PROS1: variants seen among roughly 807,000 people sequenced by gnomAD.
PROS1 encodes the protein vitamin K-dependent protein S.
PROS1 carries 29 observed loss-of-function variants against 75.9 expected under a neutral mutation model. The ratio of observed to expected loss-of-function variants is 0.38; its 90% CI spans 0.28 to 0.52. The LOEUF (loss-of-function observed/expected upper bound fraction) is 0.52, where lower values mean the gene tolerates loss of function less well. Ranked by LOEUF, PROS1 falls within the 20% of genes least tolerant of loss-of-function variation. The pLI, the probability that PROS1 is intolerant of heterozygous loss-of-function variation, is 0.83. For synonymous variants in PROS1, 245 were observed against 280.6 expected (o/e 0.87, Z 1.27); for missense variants, 680 against 810.3 (o/e 0.84, Z 1.95).
chr3:93,893,875 G>A lies in PROS1; in HGVS notation c.966-753C>T, dbSNP rs187873894. Among the ~76,000 whole-genome samples, 188 of 152,286 alleles carry A rather than the reference G, an allele frequency of 1.2e-3. 3 individuals carry two copies. The highest frequency in any genetic ancestry group is 6.2e-4 in the South Asian group (3 of 4,826). ...GGGTATCTGAGTGCTGGCAACATCT[G>A]TTGCTATTAAGACTCTAGACATATA... On this transcript the variant is annotated intron_variant, in intron 9 of 14. Transcript: ENST00000394236.
rs191205883 is a variant in PROS1, at chr3:93,930,848, C to T, written c.77-3441G>A. Among the ~76,000 whole-genome samples the T allele has an allele frequency of 4.4e-3, 663 of 152,264 alleles. 2 individuals carry two copies. Among genetic ancestry groups the T allele is most frequent in the Middle Eastern group, 0.02 (6 of 294 alleles). ...AAAACTACAGCTAGATCATAGGCAT[C>T]CCAACTCTCAGACCTGCAATCCATT... On this transcript the variant is annotated intron_variant, in intron 1 of 14. Transcript: ENST00000394236.
chr3:93,932,526 A>G (rs1216099050), intron 1 of PROS1, among the ~76,000 whole-genome samples: 1 of 152,226 alleles, frequency 6.6e-6, no homozygotes, highest in Non-Finnish European at 1.5e-5. Flanking sequence ...GATAAGAAGT[A>G]CAACTGAGTC....
chr3:93,890,940 A>G (rs1321592227), intron 10 of PROS1, among the ~76,000 whole-genome samples: 1 of 151,988 alleles, frequency 6.6e-6, no homozygotes, highest in African/African-American at 2.4e-5. Context: ...ACCTGTCTCT[A>G]CTAAAAATAC....
chr3:93,943,644 G>T (rs962307876), intron 1 of PROS1, among the ~76,000 whole-genome samples: 1 of 151,996 alleles, frequency 6.6e-6, no homozygotes, highest in Non-Finnish European at 1.5e-5. Context: ...TTCAACATTA[G>T]TTTATGTTAT....
chr3:93,904,979 T>C (rs972463342), intron 6 of PROS1, among the ~76,000 whole-genome samples: 2 of 152,132 alleles, frequency 1.3e-5, no homozygotes, highest in Non-Finnish European at 2.9e-5. Flanking sequence ...GAAAGAAAAC[T>C]AGATCTTTTA....
intron 3 of PROS1, among the ~76,000 whole-genome samples, chr3:93,913,257 C>A (rs571616377): frequency 1.4e-4 from 22 of 152,276 alleles, no homozygotes; most frequent in Non-Finnish European, 3.1e-4. Flanking sequence ...TGTGTCCCAA[C>A]CCAAATCTCA....
chr3:93,873,990 T>A lies in PROS1; in HGVS notation c.*255A>T. 2.5e-6 allele frequency: 1 copy of A among 405,106 alleles called. No homozygotes were observed. Among genetic ancestry groups the A allele is most frequent in the Non-Finnish European group, 4.4e-6 (1 of 228,192 alleles). 25.1% of individuals were successfully genotyped at this position (405,106 alleles called of 1,614,324 possible). A position where few individuals can be genotyped will look rare whatever the true frequency, so the allele number is the denominator to read the frequency against. ...TTACAAACAAAAATTGAAACTGTCA[T>A]TTGTAGGAAAAAAATTCAAATTTAA... On this transcript the variant is annotated 3_prime_UTR_variant, in exon 15 of 15. Coordinates refer to ENST00000394236, the MANE Select transcript of PROS1 (RefSeq NM_000313.4).
chr3:93,953,549 A>C (rs1416929682), intron 1 of PROS1, among the ~76,000 whole-genome samples: 1 of 152,210 alleles, frequency 6.6e-6, no homozygotes, highest in African/African-American at 2.4e-5. Flanking sequence ...AAAAACTCTC[A>C]ATAAACTAGG....
chr3:93,916,311 T>C (rs1479736902), intron 3 of PROS1, among the ~76,000 whole-genome samples: 2 of 152,190 alleles, frequency 1.3e-5, no homozygotes, highest in African/African-American at 4.8e-5. Context: ...GAAAGCTTCA[T>C]TTCGCATCTC....
chr3:93,944,379 C>T (rs1429641546), intron 1 of PROS1, among the ~76,000 whole-genome samples: 1 of 152,112 alleles, frequency 6.6e-6, no homozygotes, highest in Non-Finnish European at 1.5e-5. Flanking sequence ...CTTCTCAGCA[C>T]CACATCAATG....
rs564312660 is a variant in PROS1 at position 93,891,842 on chromosome 3, T to C, written c.1155+1091A>G. On this transcript the variant is annotated intron_variant, in intron 10 of 14. Coordinates refer to ENST00000394236, the MANE Select transcript of PROS1 (RefSeq NM_000313.4). The stretch of plus-strand genomic sequence containing the variant: ...TGGGAAGCCAAAGTGGGAGGAGGAT[T>C]CCTTGAGTTCAAGACCAGCCTGGGC... Among the ~76,000 whole-genome samples, 3 of 152,200 alleles carry C rather than the reference T, an allele frequency of 2.0e-5. No homozygotes were observed. The East Asian group carries it at 5.8e-4, about 29-fold the overall frequency.
chr3:93,892,353 G>A (rs897416453), intron 10 of PROS1, among the ~76,000 whole-genome samples: 7 of 150,108 alleles, frequency 4.7e-5, no homozygotes, highest in African/African-American at 9.8e-5. Flanking sequence ...TGCTAGCCGC[G>A]GTGGCTCACA....
intron 1 of PROS1, among the ~76,000 whole-genome samples, chr3:93,956,563 A>ACAAACACAC: frequency 7.8e-6 from 1 of 128,380 alleles, no homozygotes; most frequent in East Asian, 2.3e-4. Context: ...CACACACACA[A>ACAAACACAC]ACACACACAC....
intron 1 of PROS1, among the ~76,000 whole-genome samples, chr3:93,957,288 A>T (rs148512344): frequency 7.2e-5 from 11 of 152,356 alleles, no homozygotes; most frequent in Admixed American, 4.6e-4. Context: ...AAGAATATAT[A>T]TGTGTGGACA....
chr3:93,955,813 C>A (rs369804849), intron 1 of PROS1, among the ~76,000 whole-genome samples: 1 of 151,666 alleles, frequency 6.6e-6, no homozygotes, highest in Non-Finnish European at 1.5e-5. Flanking sequence ...AGATGGAGGA[C>A]GAAAGATAAT....
intron 14 of PROS1, among the ~76,000 whole-genome samples, 200 bp from the exon 15 acceptor site, chr3:93,874,605 C>T (rs906153937): frequency 2.0e-5 from 3 of 152,094 alleles, no homozygotes; most frequent in African/African-American, 7.2e-5. Flanking sequence ...TTCAGCATGT[C>T]ATGAGTTCCT....
chr3:93,927,144 G>A (rs1576198228), intron 2 of PROS1, 106 bp downstream of exon 2: 4 of 1,431,232 alleles, frequency 2.8e-6, no homozygotes, highest in South Asian at 2.3e-5. Context: ...GTGATACACA[G>A]AATTATTGAC....
chr3:93,964,540 T>C (rs575368497), intron 1 of PROS1, among the ~76,000 whole-genome samples: 2 of 152,178 alleles, frequency 1.3e-5, no homozygotes, highest in Non-Finnish European at 2.9e-5. Context: ...AGACTGGTTC[T>C]CTGCTCTCGA....
At chr3:93,912,394 A>G (rs1215407866) in intron 3 of PROS1, among the ~76,000 whole-genome samples, 1 of 152,158 alleles carries the variant, frequency 6.6e-6, no homozygotes, top group Non-Finnish European at 1.5e-5. Flanking sequence ...CAAAGTCTCC[A>G]TTTGCCATAT....
Sources: allele counts gnomAD v4.1 joint callset (sites outside exome capture counted in the v4.1 genomes callset), GRCh38; gene constraint gnomAD v4.1.1; transcripts MANE v1.5; gene names NCBI Gene and HGNC (gene_info 2026-07-23, HGNC 2026-07-21).